The following PIBF1 variants were observed in gnomAD, a reference collection of about 807,000 sequenced individuals.
PIBF1 encodes progesterone immunomodulatory binding factor 1.
A neutral mutation model predicts 112.5 loss-of-function variants in PIBF1; 90 were observed. That is an observed-to-expected ratio of 0.80 (90% confidence interval 0.67 to 0.95). The LOEUF (loss-of-function observed/expected upper bound fraction) is 0.95, where lower values mean the gene tolerates loss of function less well. Ranked by LOEUF, PIBF1 falls within the 40% of genes least tolerant of loss-of-function variation. The pLI, the probability that PIBF1 is intolerant of heterozygous loss-of-function variation, is 0.00. For missense variants in PIBF1, 915 were observed against 852.3 expected, an observed-to-expected ratio of 1.07 and a Z score of -0.92; for synonymous variants, 301 against 288.6, an observed-to-expected ratio of 1.04 and a Z score of -0.44.
At chr13:72,833,529 T>C (rs1010712856) in intron 8 of PIBF1, among the ~76,000 whole-genome samples, 25 of 152,338 alleles carry the variant, frequency 1.6e-4, no homozygotes, top group Middle Eastern at 3.4e-3. Context: ...TGCTGGAGTT[T>C]GCTGGAGGTC....
At position 72,916,364 on chromosome 13, in the gene PIBF1, C is replaced by T. The variant is rs578094600; in HGVS notation, c.1640-712C>T. Among the ~76,000 whole-genome samples the T allele has an allele frequency of 2.7e-5, 4 of 150,678 alleles. No individual in the cohort carries two copies. In the South Asian group the frequency reaches 8.4e-4, roughly 32 times the overall value. On this transcript the variant is annotated intron_variant, in intron 12 of 17. Coordinates refer to ENST00000326291, the MANE Select transcript of PIBF1 (RefSeq NM_006346.4). ...CAGAGATCACGCCATTACACTCCAG[C>T]CTGGGCAACAAGAGCGAAACTCCAT...
intron 14 of PIBF1, among the ~76,000 whole-genome samples, chr13:72,933,716 GAGAAAATGTA>G (rs916551067): frequency 6.6e-6 from 1 of 152,138 alleles, no homozygotes; most frequent in South Asian, 2.1e-4. Context: ...AAATTGTTGG[GAGAAAATGTA>G]AGAAATTAAG....
chr13:73,012,823 A>G (rs959228778), intron 17 of PIBF1, among the ~76,000 whole-genome samples: 42 of 151,942 alleles, frequency 2.8e-4, no homozygotes, highest in Non-Finnish European at 4.1e-4. Flanking sequence ...GAGAATATCC[A>G]AGGACTAAAG....
At chr13:72,996,161 G>A (rs2043661099) in intron 16 of PIBF1, among the ~76,000 whole-genome samples, 1 of 127,576 alleles carries the variant, frequency 7.8e-6, no homozygotes, top group Non-Finnish European at 1.6e-5. Flanking sequence ...AAAGACAAAG[G>A]GCTAATTTCC....
At chr13:72,836,500 A>T (rs1044826202) in intron 9 of PIBF1, among the ~76,000 whole-genome samples, 1 of 152,154 alleles carries the variant, frequency 6.6e-6, no homozygotes, top group East Asian at 1.9e-4. Flanking sequence ...TTGCTTATTT[A>T]TAAGTTGCTG....
chr13:72,823,579 G>C (rs1218123078), intron 6 of PIBF1, among the ~76,000 whole-genome samples: 2 of 151,950 alleles, frequency 1.3e-5, no homozygotes, highest in East Asian at 3.9e-4. Context: ...TTATGCCCCG[G>C]GTAAATTCTC....
intron 11 of PIBF1, chr13:72,901,188 G>T: frequency 3.4e-6 from 1 of 292,440 alleles, no homozygotes; most frequent in Middle Eastern, 5.5e-4. Context: ...TGAATATCCG[G>T]AATCTACAGT....
intron 14 of PIBF1, among the ~76,000 whole-genome samples, chr13:72,955,792 G>A (rs2042429143): frequency 6.6e-6 from 1 of 151,882 alleles, no homozygotes; most frequent in Admixed American, 6.6e-5. Flanking sequence ...CACTAAATTT[G>A]TACTTTATTT....
intron 14 of PIBF1, 58 bp downstream of exon 14, chr13:72,931,325 A>G: frequency 2.8e-6 from 3 of 1,074,102 alleles, no homozygotes; most frequent in Admixed American, 4.3e-5. Context: ...AATTGTTTGT[A>G]ACTCTTTTAT....
chr13:73,012,991 T>C (rs1169115405), intron 17 of PIBF1, among the ~76,000 whole-genome samples: 2 of 150,784 alleles, frequency 1.3e-5, no homozygotes, highest in Non-Finnish European at 3.0e-5. Context: ...ACAAAAGCTA[T>C]AGCATATATT....
intron 11 of PIBF1, among the ~76,000 whole-genome samples, chr13:72,904,287 G>A (rs1173459112): frequency 6.6e-6 from 1 of 151,624 alleles, no homozygotes; most frequent in Non-Finnish European, 1.5e-5. Context: ...TTTCTCAATT[G>A]AAAATCAGAT....
chr13:72,929,566 A>T (rs541156658), intron 13 of PIBF1, among the ~76,000 whole-genome samples: 2 of 152,138 alleles, frequency 1.3e-5, no homozygotes, highest in African/African-American at 4.8e-5. Flanking sequence ...GATTATAGTG[A>T]TAGTGGCACA....
At chr13:72,959,405 C>T (rs964793709) in intron 14 of PIBF1, among the ~76,000 whole-genome samples, 1 of 152,076 alleles carries the variant, frequency 6.6e-6, no homozygotes, top group African/African-American at 2.4e-5. Flanking sequence ...TCATTCCTAG[C>T]ACGATTAAAA....
chr13:72,901,015 T>C (rs939645961), intron 11 of PIBF1: 198 of 416,660 alleles, frequency 4.8e-4, no homozygotes, highest in Non-Finnish European at 9.0e-4. Context: ...AGAGCAAAAC[T>C]CCGTCTCAAA....
intron 16 of PIBF1, among the ~76,000 whole-genome samples, chr13:72,983,795 A>G (rs12866222): frequency 0.038 from 5,709 of 152,204 alleles, 156 homozygotes; most frequent in Middle Eastern, 0.088. Context: ...AATTTTCTTA[A>G]GAGTATCTTT....
At chr13:72,839,387 A>C (rs922471261) in intron 9 of PIBF1, among the ~76,000 whole-genome samples, 17 of 152,348 alleles carry the variant, frequency 1.1e-4, no homozygotes, top group Admixed American at 5.2e-4. Context: ...TAGAAAATAC[A>C]AAGCTTTAAT....
In PIBF1 at chr13:72,845,070, A is replaced by G. The variant is rs1173894500; in HGVS notation, c.1224-8987A>G. Among the ~76,000 whole-genome samples, 15 of 147,658 alleles carry G rather than the reference A, an allele frequency of 1.0e-4. 1 individual carries two copies. The South Asian group carries it at 2.7e-3, about 27-fold the overall frequency. ...TGTGCCATGGTGGTTTGCTGCACCT[A>G]TCAACGGGTCCATCTAGGTTTTAAG... On this transcript the variant is annotated intron_variant, in intron 9 of 17. Coordinates refer to ENST00000326291, the MANE Select transcript of PIBF1 (RefSeq NM_006346.4).
intron 10 of PIBF1, among the ~76,000 whole-genome samples, chr13:72,869,064 C>T (rs943085240): frequency 6.6e-6 from 1 of 152,032 alleles, no homozygotes; most frequent in Non-Finnish European, 1.5e-5. Context: ...GTGGCGATTC[C>T]TCAGGGATCT....
At chr13:73,007,298 TG>T (rs1260526989) in intron 17 of PIBF1, among the ~76,000 whole-genome samples, 4 of 143,440 alleles carry the variant, frequency 2.8e-5, no homozygotes, top group African/African-American at 5.2e-5. Flanking sequence ...TTTTTGTTTT[TG>T]TTTTTTTTTT....
Sources: allele counts gnomAD v4.1 joint callset (sites outside exome capture counted in the v4.1 genomes callset), GRCh38; gene constraint gnomAD v4.1.1; transcripts MANE v1.5; gene names NCBI Gene and HGNC (gene_info 2026-07-23, HGNC 2026-07-21).